TENM2: variants seen among roughly 807,000 people sequenced by gnomAD.
TENM2 encodes the protein teneurin transmembrane protein 2, also known as teneurin-2.
In TENM2, 52 loss-of-function variants were observed where a neutral mutation model predicts 245.2. That is an observed-to-expected ratio of 0.21 (90% CI 0.17 to 0.27). TENM2 has a LOEUF of 0.27. TENM2 is among the 10% of genes least tolerant of loss of function. TENM2 has a pLI of 1.00. For synonymous variants in TENM2, 1,363 were observed against 1,438.9 expected, an observed-to-expected ratio of 0.95 and a Z score of 1.19; for missense variants, 3,046 against 3,666.8, an observed-to-expected ratio of 0.83 and a Z score of 4.37.
the TENM2 span, among the ~76,000 whole-genome samples, chr5:167,149,181 A>G: frequency 6.6e-6 from 1 of 151,180 alleles, no homozygotes; most frequent in African/African-American, 2.4e-5. Context: ...CACCCACCCT[A>G]ATATTTTCAT....
chr5:168,096,285 T>G (rs994036728), intron 8 of TENM2, among the ~76,000 whole-genome samples: 1 of 152,158 alleles, frequency 6.6e-6, no homozygotes, highest in Non-Finnish European at 1.5e-5. Flanking sequence ...GATTTGCTGA[T>G]CTACAAAAGC....
chr5:168,108,953 A>G (rs76574514), intron 9 of TENM2, among the ~76,000 whole-genome samples: 4,011 of 152,198 alleles, frequency 0.026, 180 homozygotes, highest in African/African-American at 0.091. Context: ...TTCTCTCTCC[A>G]TGAAGGAGGC....
exon 3 of TENM2, chr5:167,876,124 C>T (rs868643411): frequency 1.9e-6 from 3 of 1,551,472 alleles, no homozygotes; most frequent in East Asian, 2.4e-5. Flanking sequence ...GACACCAACC[C>T]TGATGAGGAA....
At chr5:167,285,088 T>G in intron 1 of TENM2, 25 bp downstream of exon 3, 1 of 1,515,928 alleles carries the variant, frequency 6.6e-7, no homozygotes. Context: ...CCCTGCTGAT[T>G]TGCTCTCAAC....
chr5:167,941,062 C>T (rs1234282750), intron 3 of TENM2, among the ~76,000 whole-genome samples: 1 of 152,094 alleles, frequency 6.6e-6, no homozygotes, highest in Non-Finnish European at 1.5e-5. Context: ...TTTCAGTAAC[C>T]CAAGAAGCCC....
At chr5:167,186,926 T>C in the TENM2 span, among the ~76,000 whole-genome samples, 1 of 152,206 alleles carries the variant, frequency 6.6e-6, no homozygotes, top group African/African-American at 2.4e-5. Flanking sequence ...TGTTTGAACA[T>C]TTCTGGGAGA....
At chr5:167,708,407 A>C (rs77690538) in intron 2 of TENM2, among the ~76,000 whole-genome samples, 13,455 of 152,196 alleles carry the variant, frequency 0.088, 777 homozygotes, top group Middle Eastern at 0.18. Flanking sequence ...TTGCCCACCA[A>C]ATTATTCCCT....
chr5:167,827,980 A>C (rs1026713012), intron 2 of TENM2, among the ~76,000 whole-genome samples: 1 of 152,150 alleles, frequency 6.6e-6, no homozygotes. Flanking sequence ...CCCACCTTGC[A>C]GTTGCTCAAA....
intron 1 of TENM2, among the ~76,000 whole-genome samples, chr5:167,313,446 G>C (rs1333994637): frequency 1.3e-5 from 2 of 152,156 alleles, no homozygotes; most frequent in African/African-American, 4.8e-5. Context: ...AGACAAGCCT[G>C]ACCAAATTTG....
chr5:167,184,798 G>T, the TENM2 span, among the ~76,000 whole-genome samples: 1 of 152,120 alleles, frequency 6.6e-6, no homozygotes, highest in Admixed American at 6.6e-5. Context: ...TCTCAAACTG[G>T]CCCAGTTGGG....
At chr5:168,085,980 T>C (rs1329249995) in intron 7 of TENM2, among the ~76,000 whole-genome samples, 2 of 152,228 alleles carry the variant, frequency 1.3e-5, no homozygotes, top group Non-Finnish European at 1.5e-5. Context: ...CAGCATTTAT[T>C]GCTTTTCCCA....
intron 2 of TENM2, among the ~76,000 whole-genome samples, chr5:167,670,232 T>C (rs1755844138): frequency 6.6e-6 from 1 of 152,124 alleles, no homozygotes; most frequent in African/African-American, 2.4e-5. Context: ...TGGCAATGCA[T>C]CCAAGAGGGA....
At chr5:167,861,071 AAAC>A (rs1771756961) in intron 2 of TENM2, among the ~76,000 whole-genome samples, 9 of 151,728 alleles carry the variant, frequency 5.9e-5, no homozygotes, top group Non-Finnish European at 8.8e-5. Flanking sequence ...AAAAAAAAGA[AAAC>A]AACGTCAAAA....
At chr5:168,227,610 T>C (rs58846151) in intron 24 of TENM2, among the ~76,000 whole-genome samples, 3 of 151,998 alleles carry the variant, frequency 2.0e-5, no homozygotes, top group Non-Finnish European at 4.4e-5. Context: ...TAGACATCTT[T>C]AAATGTTTAA....
chr5:167,381,561 A>T (rs918285491), intron 2 of TENM2, among the ~76,000 whole-genome samples: 4 of 152,194 alleles, frequency 2.6e-5, no homozygotes, highest in Admixed American at 2.6e-4. Flanking sequence ...TTCTCAAAAC[A>T]TAAGAAGATT....
chr5:167,899,353 C>G (rs938358673), intron 3 of TENM2, among the ~76,000 whole-genome samples: 4 of 152,096 alleles, frequency 2.6e-5, no homozygotes, highest in Non-Finnish European at 2.9e-5. Flanking sequence ...CAAAGACAGG[C>G]AAGGAGGGTG....
intron 3 of TENM2, among the ~76,000 whole-genome samples, chr5:167,887,434 G>C (rs775873134): frequency 2.0e-5 from 3 of 152,222 alleles, no homozygotes; most frequent in Non-Finnish European, 2.9e-5. Context: ...CAGTCCTTCA[G>C]ATTTGGGCCT....
chr5:167,505,729 T>TGGAGTTAGGACAG (rs1769498277), intron 2 of TENM2, among the ~76,000 whole-genome samples: 1 of 152,138 alleles, frequency 6.6e-6, no homozygotes, highest in African/African-American at 2.4e-5. Context: ...TTTGCCTCCA[T>TGGAGTTAGGACAG]GGAGTTAGGA....
intron 2 of TENM2, among the ~76,000 whole-genome samples, chr5:167,811,498 C>T (rs564117591): frequency 5.9e-5 from 9 of 152,180 alleles, no homozygotes; most frequent in South Asian, 2.1e-4. Context: ...GCAGGTGCCA[C>T]GCTTCTTGTA....
Sources: allele counts gnomAD v4.1 joint callset (sites outside exome capture counted in the v4.1 genomes callset), GRCh38; gene constraint gnomAD v4.1.1; transcripts MANE v1.5; gene names NCBI Gene and HGNC (gene_info 2026-07-23, HGNC 2026-07-21).